Variants in CYP7B1 observed in about 807,000 individuals in gnomAD.
CYP7B1 encodes cytochrome P450 family 7 subfamily B member 1, also known as cytochrome P450 7B1.
CYP7B1 carries 29 observed loss-of-function variants against 42.7 expected under a neutral mutation model. That is an observed-to-expected ratio of 0.68 (90% CI 0.51 to 0.93). The LOEUF (loss-of-function observed/expected upper bound fraction) is 0.93. CYP7B1 is among the 40% of genes least tolerant of loss of function. The probability of loss-of-function intolerance (pLI) is 0.00; values close to 1 mark genes in which losing one functional copy is unlikely to be tolerated. For missense variants in CYP7B1, 655 were observed against 600.5 expected, an observed-to-expected ratio of 1.09 and a Z score of -0.95; for synonymous variants, 235 against 218.2, an observed-to-expected ratio of 1.08 and a Z score of -0.68.
chr8:64,713,594 C>T (rs1807112319), intron 1 of CYP7B1, among the ~76,000 whole-genome samples: 1 of 151,976 alleles, frequency 6.6e-6, no homozygotes, highest in East Asian at 1.9e-4. Context: ...GTAAAATTGA[C>T]AGCAGATTAG....
At chr8:64,642,220 C>T (rs780966302) in intron 1 of CYP7B1, among the ~76,000 whole-genome samples, 46 of 151,864 alleles carry the variant, frequency 3.0e-4, no homozygotes, top group Non-Finnish European at 5.6e-4. Flanking sequence ...CAAAATGATA[C>T]CTTACTATGT....
At chr8:64,769,377 C>T (rs1345282701) in intron 1 of CYP7B1, among the ~76,000 whole-genome samples, 1 of 152,100 alleles carries the variant, frequency 6.6e-6, no homozygotes, top group Non-Finnish European at 1.5e-5. Flanking sequence ...GTAGGAAAGA[C>T]TCCTTGGCAC....
chr8:64,680,098 C>T (rs948176120), intron 1 of CYP7B1, among the ~76,000 whole-genome samples: 3 of 151,976 alleles, frequency 2.0e-5, no homozygotes, highest in African/African-American at 7.2e-5. Flanking sequence ...AACCATTATA[C>T]TCTGCTTGTA....
chr8:64,765,933 A>C (rs1807967005), intron 1 of CYP7B1, among the ~76,000 whole-genome samples: 1 of 152,198 alleles, frequency 6.6e-6, no homozygotes, highest in Admixed American at 6.5e-5. Flanking sequence ...GGGTTAGGAC[A>C]ATCCTTTTAT....
chr8:64,646,649 G>C (rs547319763), intron 1 of CYP7B1, among the ~76,000 whole-genome samples: 4 of 152,170 alleles, frequency 2.6e-5, no homozygotes, highest in Non-Finnish European at 5.9e-5. Flanking sequence ...GTTGTTTCAT[G>C]TAGCCATCTT....
chr8:64,735,776 G>A (rs1182608157), intron 1 of CYP7B1, among the ~76,000 whole-genome samples: 1 of 152,114 alleles, frequency 6.6e-6, no homozygotes, highest in Non-Finnish European at 1.5e-5. Context: ...ATTTGCTGTG[G>A]AGCCTGCAGA....
At chr8:64,788,959 C>T (rs182210922) in intron 1 of CYP7B1, among the ~76,000 whole-genome samples, 5 of 152,276 alleles carry the variant, frequency 3.3e-5, no homozygotes, top group Admixed American at 2.6e-4. Flanking sequence ...CTCACTCTGT[C>T]GCCCAGCCTG....
At chr8:64,752,547 A>G (rs1807744925) in intron 1 of CYP7B1, among the ~76,000 whole-genome samples, 1 of 152,134 alleles carries the variant, frequency 6.6e-6, no homozygotes, top group Non-Finnish European at 1.5e-5. Flanking sequence ...GAGGAAAGAC[A>G]TATGGGATAT....
chr8:64,777,947 G>C (rs1804353358), intron 1 of CYP7B1, among the ~76,000 whole-genome samples: 1 of 151,678 alleles, frequency 6.6e-6, no homozygotes, highest in South Asian at 2.1e-4. Flanking sequence ...AAAAGTAAGA[G>C]TCAGTTTAAC....
chr8:64,734,647 C>T (rs140033634), intron 1 of CYP7B1, among the ~76,000 whole-genome samples: 38 of 152,312 alleles, frequency 2.5e-4, no homozygotes, highest in African/African-American at 8.9e-4. Flanking sequence ...CATAGCAGAT[C>T]CCCAGTGCCT....
At chr8:64,750,652 A>G (rs1429020701) in intron 1 of CYP7B1, among the ~76,000 whole-genome samples, 1 of 152,184 alleles carries the variant, frequency 6.6e-6, no homozygotes, top group African/African-American at 2.4e-5. Flanking sequence ...AGAGGGAACC[A>G]AGCTTTTCTG....
chr8:64,724,970 A>G (rs775534025), intron 1 of CYP7B1, among the ~76,000 whole-genome samples: 34 of 152,222 alleles, frequency 2.2e-4, no homozygotes, highest in Non-Finnish European at 4.1e-4. Flanking sequence ...ACCTTGTCCG[A>G]TAGTACGTCA....
intron 1 of CYP7B1, among the ~76,000 whole-genome samples, chr8:64,664,908 C>A (rs961368821): frequency 1.7e-4 from 26 of 152,102 alleles, no homozygotes; most frequent in Non-Finnish European, 3.2e-4. Context: ...CCCAAGCCAA[C>A]TACAATTTGG....
chr8:64,645,128 T>C (rs1394657956), intron 1 of CYP7B1, among the ~76,000 whole-genome samples: 1 of 151,180 alleles, frequency 6.6e-6, no homozygotes. Flanking sequence ...CCATGGTGTA[T>C]ATGTGCCACA....
chr8:64,627,425 A>C (rs1056772568), intron 1 of CYP7B1, among the ~76,000 whole-genome samples: 3 of 152,180 alleles, frequency 2.0e-5, no homozygotes, highest in Non-Finnish European at 4.4e-5. Flanking sequence ...TAGTTCACCA[A>C]ATTTCTTTTC....
At chr8:64,726,730 T>C (rs189538861) in intron 1 of CYP7B1, among the ~76,000 whole-genome samples, 1 of 152,362 alleles carries the variant, frequency 6.6e-6, no homozygotes, top group African/African-American at 2.4e-5. Context: ...GGAGAATTTC[T>C]TTTGGAAACG....
At chr8:64,617,432 C>T (rs571944547) in intron 2 of CYP7B1, among the ~76,000 whole-genome samples, 51 of 152,240 alleles carry the variant, frequency 3.3e-4, no homozygotes, top group African/African-American at 1.0e-3. Flanking sequence ...AGAGATGTTA[C>T]GGGTCAAGAT....
chr8:64,771,045 A>ATGT (rs1308107007), intron 1 of CYP7B1, among the ~76,000 whole-genome samples: 2 of 40,554 alleles, frequency 4.9e-5, no homozygotes, highest in Middle Eastern at 0.026. Flanking sequence ...GGATATCAGC[A>ATGT]TCTTTTTTTT....
At chr8:64,729,135 G>A (rs1807370787) in intron 1 of CYP7B1, 2 of 152,164 alleles carry the variant, frequency 1.3e-5, no homozygotes, top group Admixed American at 1.3e-4. Flanking sequence ...ACTCCCGCCT[G>A]GGCAACAGAT....
Sources: gnomAD v4.1 joint callset for allele counts (sites outside exome capture counted in the v4.1 genomes callset) on GRCh38, gnomAD v4.1.1 for gene constraint, MANE v1.5 for transcripts, NCBI Gene and HGNC (gene_info 2026-07-23, HGNC 2026-07-21) for gene names.